Variants in SFXN5 observed in about 807,000 individuals in gnomAD.
The protein encoded by SFXN5 is sideroflexin 5.
SFXN5 carries 43 observed loss-of-function variants against 50.2 expected under a neutral mutation model. That is an observed-to-expected ratio of 0.86 (90% CI 0.67 to 1.11). The LOEUF is 1.11. Ranked by LOEUF, SFXN5 falls within the 50% of genes least tolerant of loss-of-function variation. The pLI, the probability that SFXN5 is intolerant of heterozygous loss-of-function variation, is 0.00. For synonymous variants in SFXN5, 203 were observed against 185.8 expected (o/e 1.09, Z -0.75); for missense variants, 463 against 454.1 (o/e 1.02, Z -0.18).
At chr2:72,980,663 TG>T (rs1236279866) in intron 10 of SFXN5, among the ~76,000 whole-genome samples, 1 of 152,224 alleles carries the variant, frequency 6.6e-6, no homozygotes, top group African/African-American at 2.4e-5. Context: ...TCTCTTAATG[TG>T]ATTCCTGCTA....
Position 73,020,232 on chromosome 2 carries a change from CACTT to C in SFXN5, c.357+3_357+6del. 2 of 1,613,602 alleles carry C rather than the reference CACTT, an allele frequency of 1.2e-6. No individual in the cohort carries two copies. The highest frequency in any genetic ancestry group is 2.2e-5 in the East Asian group (1 of 44,874). On this transcript the variant is annotated splice_donor_5th_base_variant and intron_variant, in intron 6 of 13. Transcript: ENST00000272433. ...AGAAAAGGAAATCCTTTGAAGGTAA[CACTT>C]ACAATTGGCGTCCCAAAAGGAATAT...
In SFXN5 at chr2:72,973,187, T is replaced by C. The variant is rs1405902393; in HGVS notation, c.626-1502A>G. ...AGAAAAGCAGGAGGCCAAATACAGT[T>C]CTAAAATGTATTTAGAGCACACACA... On this transcript the variant is annotated intron_variant, in intron 10 of 13. Coordinates refer to ENST00000272433, the MANE Select transcript of SFXN5 (RefSeq NM_144579.3). The surrounding 1 kb of genome is among the most constrained non-coding windows in gnomAD (Gnocchi z 5.5). 6.5e-6 allele frequency: 1 copy of C among 154,238 alleles called. No homozygotes were observed. Among genetic ancestry groups the C allele is most frequent in the African/African-American group, 2.4e-5 (1 of 41,438 alleles). 9.6% of individuals were successfully genotyped at this position (154,238 alleles called of 1,614,324 possible). A position where few individuals can be genotyped will look rare whatever the true frequency, so the allele number is the denominator to read the frequency against.
At chr2:73,071,509 G>A (rs1377545771) in intron 1 of SFXN5, 95 bp downstream of exon 1, 2 of 1,174,874 alleles carry the variant, frequency 1.7e-6, no homozygotes, top group African/African-American at 3.1e-5. Flanking sequence ...CTGGCCGCGG[G>A]TGGGAGACCC....
rs13412618 is a variant in SFXN5 at position 73,018,685 on chromosome 2, A to C, written c.357+1554T>G. 2.0e-5 allele frequency among the ~76,000 whole-genome samples: 3 copies of C among 152,340 alleles called. No individual in the cohort carries two copies. The East Asian group carries it at 5.8e-4, about 29-fold the overall frequency. On this transcript the variant is annotated intron_variant, in intron 6 of 13. Coordinates refer to ENST00000272433, the MANE Select transcript of SFXN5 (RefSeq NM_144579.3). ...CTGTTGGTCATTCTTGTCTGCTTCC[A>C]GTTTTAGACTAATGTGAAAAATGCT...
At chr2:73,048,028 A>T (rs954398880) in intron 2 of SFXN5, among the ~76,000 whole-genome samples, 11 of 152,260 alleles carry the variant, frequency 7.2e-5, no homozygotes, top group Non-Finnish European at 1.5e-4. Context: ...ATTTCATGAC[A>T]TGAAAAACTG....
chr2:72,999,057 A>G, intron 8 of SFXN5, 43 bp from the exon 9 acceptor site: 1 of 1,598,068 alleles, frequency 6.3e-7, no homozygotes, highest in Non-Finnish European at 8.6e-7. Flanking sequence ...GGGTGCCCAA[A>G]GCTCCCATAC....
At chr2:72,968,393 C>A in intron 12 of SFXN5, 55 bp downstream of exon 12, 3 of 1,528,416 alleles carry the variant, frequency 2.0e-6, no homozygotes, top group South Asian at 1.2e-5. Flanking sequence ...GGTTCCCCCT[C>A]CCTCTCCCCC....
rs935650987 is a variant in SFXN5, at chr2:72,964,818, C to A, written c.828-3570G>T. Among the ~76,000 whole-genome samples the A allele has an allele frequency of 7.2e-5, 11 of 152,228 alleles. No homozygotes were observed. The East Asian group carries it at 7.7e-4, about 11-fold the overall frequency. ...ACCTCTCATCACCTTATCAGAGGGG[C>A]TCCTTTGGAGCCTGAGATGTGAGAG... On this transcript the variant is annotated intron_variant, in intron 12 of 13. Coordinates refer to ENST00000272433, the MANE Select transcript of SFXN5 (RefSeq NM_144579.3).
chr2:73,044,702 G>A (rs1680094741), intron 2 of SFXN5: 1 of 152,344 alleles, frequency 6.6e-6, no homozygotes, highest in South Asian at 2.1e-4. Context: ...GGGCCCGGCT[G>A]TGGTTAGTGG....
intron 6 of SFXN5, among the ~76,000 whole-genome samples, chr2:73,015,734 A>G (rs781164765): frequency 6.6e-6 from 1 of 152,090 alleles, no homozygotes; most frequent in African/African-American, 2.4e-5. Flanking sequence ...TTTGGTGCAA[A>G]TATTTTAAAC....
At chr2:73,000,294 T>C in intron 8 of SFXN5, 137 bp downstream of exon 8, 1 of 828,576 alleles carries the variant, frequency 1.2e-6, no homozygotes, top group Non-Finnish European at 1.9e-6. Flanking sequence ...AGGGCTGGCA[T>C]TTTAAATAAG....
At chr2:72,949,902 C>T (rs1573927614) in intron 13 of SFXN5, among the ~76,000 whole-genome samples, 1 of 151,662 alleles carries the variant, frequency 6.6e-6, no homozygotes, top group East Asian at 1.9e-4. Context: ...TGACGCCATT[C>T]TCGGAGGGAA....
chr2:72,984,751 G>A (rs955092435), intron 10 of SFXN5, among the ~76,000 whole-genome samples: 3 of 152,178 alleles, frequency 2.0e-5, no homozygotes, highest in Non-Finnish European at 4.4e-5. Flanking sequence ...GTGGGAAGGG[G>A]CTGAAGGAGG....
At chr2:73,000,408 G>A (rs1426011804) in intron 8 of SFXN5, 23 bp downstream of exon 8, 38 of 1,552,814 alleles carry the variant, frequency 2.4e-5, no homozygotes, top group Non-Finnish European at 2.9e-5. Context: ...CCCCACCACT[G>A]GGGAGAGGGC....
intron 2 of SFXN5, among the ~76,000 whole-genome samples, chr2:73,047,351 A>G (rs1228607520): frequency 1.4e-5 from 2 of 140,218 alleles, no homozygotes; most frequent in African/African-American, 2.6e-5. Context: ...GTACATATAT[A>G]TGTGTATATA....
At chr2:73,047,305 ATATG>A (rs1680608584) in intron 2 of SFXN5, among the ~76,000 whole-genome samples, 1 of 68,410 alleles carries the variant, frequency 1.5e-5, no homozygotes, top group Non-Finnish European at 3.0e-5. Context: ...TATAAAATAT[ATATG>A]TGTGTGTATG....
chr2:72,991,272 G>A (rs915887594), intron 9 of SFXN5, among the ~76,000 whole-genome samples: 13 of 152,236 alleles, frequency 8.5e-5, no homozygotes, highest in African/African-American at 2.2e-4. Flanking sequence ...CAGTGTCCTC[G>A]TCCCAGGTTT....
chr2:73,020,757 T>C (rs1676774922), intron 5 of SFXN5: 1 of 153,654 alleles, frequency 6.5e-6, no homozygotes, highest in Non-Finnish European at 1.4e-5. Flanking sequence ...AACTGAGCCA[T>C]GCACCTCTAA....
chr2:72,992,920 A>G lies in SFXN5; in HGVS notation c.535-4572T>C, dbSNP rs1235025509. Among the ~76,000 whole-genome samples the G allele has an allele frequency of 6.6e-6, 1 of 152,152 alleles. No individual in the cohort carries two copies. Among genetic ancestry groups the G allele is most frequent in the Non-Finnish European group, 1.5e-5 (1 of 68,022 alleles). On this transcript the variant is annotated intron_variant, in intron 9 of 13. Coordinates refer to ENST00000272433, the MANE Select transcript of SFXN5 (RefSeq NM_144579.3). This position sits in a 1 kb window ranked among gnomAD's most constrained non-coding sequence, Gnocchi z 4.5. Reference sequence around the variant, plus strand: ...GCTACCTGTATGAGGAGGTGCCGTGAGGGAGTGGGCCCAAGGGTCATGAAG... The same window carrying G: ...GCTACCTGTATGAGGAGGTGCCGTGGGGGAGTGGGCCCAAGGGTCATGAAG...
Sources: allele counts gnomAD v4.1 joint callset (sites outside exome capture counted in the v4.1 genomes callset), GRCh38; gene constraint gnomAD v4.1.1; non-coding constraint Gnocchi (gnomAD v3.1); transcripts MANE v1.5; gene names NCBI Gene and HGNC (gene_info 2026-07-23, HGNC 2026-07-21).